The following TET2 variants were observed in gnomAD, a reference collection of about 807,000 sequenced individuals.
TET2 encodes methylcytosine dioxygenase TET2.
Under a neutral mutation model 142.9 loss-of-function variants are expected in TET2, and 299 were observed. The observed-to-expected ratio is 2.09, with a 90% CI of 1.90 to 2.30. TET2 has a LOEUF of 2.30. Ranked by LOEUF, TET2 falls within the 30% of genes most tolerant of loss-of-function variation. The probability of loss-of-function intolerance (pLI) is 0.00; values close to 1 mark genes in which losing one functional copy is unlikely to be tolerated. For missense variants in TET2, 2,418 were observed against 2,378.0 expected, an observed-to-expected ratio of 1.02 and a Z score of -0.35; for synonymous variants, 819 against 849.0, an observed-to-expected ratio of 0.96 and a Z score of 0.61.
At chr4:105,252,732 G>A (rs973267870) in intron 6 of TET2, among the ~76,000 whole-genome samples, 2 of 152,106 alleles carry the variant, frequency 1.3e-5, no homozygotes, top group Non-Finnish European at 2.9e-5. Context: ...TCATCTATAT[G>A]TTCTGTGTTA....
At chr4:105,213,800 T>G (rs533974580) in intron 2 of TET2, among the ~76,000 whole-genome samples, 1 of 152,208 alleles carries the variant, frequency 6.6e-6, no homozygotes, top group Non-Finnish European at 1.5e-5. Context: ...TGACCAATTG[T>G]CATTCTGTTT....
intron 2 of TET2, among the ~76,000 whole-genome samples, chr4:105,207,397 T>C (rs1055967181): frequency 2.6e-5 from 4 of 152,178 alleles, no homozygotes; most frequent in African/African-American, 9.7e-5. Flanking sequence ...TTTGCTATGA[T>C]TTGAAGTCCT....
Position 105,237,175 on chromosome 4 carries a change from C to T in TET2, c.3233C>T (p.Thr1078Ile), listed in dbSNP as rs769968470. ...QTTAAELDSHTPALEQQTTSS... is the reference protein window; with the variant it reads ...QTTAAELDSHIPALEQQTTSS... Reference sequence around the variant, plus strand: ...ACTGCTGCAGAACTTGATAGCCACACCCCAGCTTTAGAGCAGCAAACAACT... The same window carrying T: ...ACTGCTGCAGAACTTGATAGCCACATCCCAGCTTTAGAGCAGCAAACAACT... Residue 1078 changes from threonine to isoleucine, a missense_variant, in exon 3 of 11, where the codon ACC becomes ATC. Transcript: ENST00000380013. The T allele has an allele frequency of 4.3e-6, 7 of 1,614,008 alleles. No homozygotes were observed. Among genetic ancestry groups the T allele is most frequent in the South Asian group, 3.3e-5 (3 of 91,088 alleles).
At chr4:105,195,664 A>G (rs1726043529) in intron 2 of TET2, among the ~76,000 whole-genome samples, 1 of 151,860 alleles carries the variant, frequency 6.6e-6, no homozygotes, top group Non-Finnish European at 1.5e-5. Context: ...TTTAGGGAAT[A>G]GTGACAAGAA....
At chr4:105,245,477 T>G (rs1434413296) in intron 6 of TET2, among the ~76,000 whole-genome samples, 2 of 151,970 alleles carry the variant, frequency 1.3e-5, no homozygotes, top group Non-Finnish European at 2.9e-5. Context: ...ATTACAGGCA[T>G]GCACTACCAC....
intron 6 of TET2, among the ~76,000 whole-genome samples, chr4:105,245,573 G>A (rs1260617656): frequency 6.6e-6 from 1 of 151,996 alleles, no homozygotes; most frequent in African/African-American, 2.4e-5. Flanking sequence ...CGGGTGATCC[G>A]CCCGCCTCGG....
intron 2 of TET2, among the ~76,000 whole-genome samples, chr4:105,213,610 T>A (rs1727298771): frequency 6.6e-6 from 1 of 152,222 alleles, no homozygotes; most frequent in East Asian, 1.9e-4. Flanking sequence ...TCCCTTTACC[T>A]AGGATGTTCT....
In TET2 at chr4:105,265,701, T is replaced by C. The variant is rs545373767; in HGVS notation, c.4044+3853T>C. On this transcript the variant is annotated intron_variant, in intron 8 of 10. Coordinates refer to ENST00000380013, the MANE Select transcript of TET2 (RefSeq NM_001127208.3). ...CTAATGCAAGTTCATCTTCTAGCCA[T>C]GATGGAGTAAACAGAGACTACATAT... Among the ~76,000 whole-genome samples the C allele has an allele frequency of 3.3e-5, 5 of 152,264 alleles. No individual in the cohort carries two copies. In the South Asian group the frequency reaches 1.0e-3, roughly 32 times the overall value.
chr4:105,176,853 T>TTTATA (rs1327659967), intron 1 of TET2, among the ~76,000 whole-genome samples: 1 of 152,202 alleles, frequency 6.6e-6, no homozygotes, highest in African/African-American at 2.4e-5. Context: ...TGACACTACC[T>TTTATA]GGCTTTAAAG....
chr4:105,193,025 T>A (rs773683720), intron 2 of TET2, among the ~76,000 whole-genome samples: 2 of 152,198 alleles, frequency 1.3e-5, no homozygotes, highest in Non-Finnish European at 2.9e-5. Context: ...AGAATCACAG[T>A]ATCTTATACA....
At chr4:105,273,215 T>G (rs1731050429) in intron 10 of TET2, among the ~76,000 whole-genome samples, 1 of 152,150 alleles carries the variant, frequency 6.6e-6, no homozygotes, top group South Asian at 2.1e-4. Context: ...CATTGTTAAT[T>G]TTGGAAAGTT....
chr4:105,255,577 T>C (rs1157609706), intron 6 of TET2, among the ~76,000 whole-genome samples: 1 of 152,194 alleles, frequency 6.6e-6, no homozygotes, highest in African/African-American at 2.4e-5. Context: ...TGAAAGTGGA[T>C]TAGTAAATTA....
chr4:105,154,425 G>A (rs1378422443), intron 1 of TET2, among the ~76,000 whole-genome samples: 2 of 152,184 alleles, frequency 1.3e-5, no homozygotes, highest in African/African-American at 4.8e-5. Flanking sequence ...ATCTTTCTAG[G>A]AAGATGGCAT....
chr4:105,188,613 G>A (rs1055627941), intron 1 of TET2, among the ~76,000 whole-genome samples: 4 of 152,144 alleles, frequency 2.6e-5, no homozygotes, highest in Non-Finnish European at 5.9e-5. Flanking sequence ...TAACCCAAAA[G>A]TTCATCATTG....
chr4:105,222,518 G>A (rs754373591), intron 2 of TET2, among the ~76,000 whole-genome samples: 22 of 152,322 alleles, frequency 1.4e-4, no homozygotes, highest in South Asian at 6.2e-4. Context: ...GTCTTCTTTT[G>A]AGAAGTGTCT....
At chr4:105,274,988 C>CATAA in intron 10 of TET2, 60 bp from the exon 11 acceptor site, 1 of 1,458,920 alleles carries the variant, frequency 6.9e-7, no homozygotes, top group East Asian at 2.5e-5. Flanking sequence ...CACTAGCCTT[C>CATAA]ATAAAATAAT....
chr4:105,155,836 CTA>C (rs1406745277), intron 1 of TET2, among the ~76,000 whole-genome samples: 1 of 152,140 alleles, frequency 6.6e-6, no homozygotes, highest in Non-Finnish European at 1.5e-5. Flanking sequence ...CAATGAGTAA[CTA>C]TAGAATTTTA....
intron 2 of TET2, among the ~76,000 whole-genome samples, chr4:105,201,838 C>G (rs1366293238): frequency 6.9e-6 from 1 of 145,474 alleles, no homozygotes; most frequent in Admixed American, 7.2e-5. Context: ...ACTTCCCAGG[C>G]TCAGGTGATC....
rs964752587 is a variant in TET2 at position 105,199,511 on chromosome 4, T to G, written c.-47+9006T>G. On this transcript the variant is annotated intron_variant, in intron 2 of 10. Transcript: ENST00000380013. Reference sequence around the variant, plus strand: ...TCCTTTAAGGAAATTTATGGAAATCTTTTTCCATACCATCAAGTGGCTTAT... The same window carrying G: ...TCCTTTAAGGAAATTTATGGAAATCGTTTTCCATACCATCAAGTGGCTTAT... Among the ~76,000 whole-genome samples the G allele has an allele frequency of 7.2e-5, 11 of 152,230 alleles. 1 individual carries two copies. Among genetic ancestry groups the G allele is most frequent in the African/African-American group, 2.7e-4 (11 of 41,460 alleles).
Sources: allele counts gnomAD v4.1 joint callset (sites outside exome capture counted in the v4.1 genomes callset), GRCh38; gene constraint gnomAD v4.1.1; transcripts MANE v1.5; gene names NCBI Gene and HGNC (gene_info 2026-07-23, HGNC 2026-07-21).